Variants in SRR observed in about 807,000 individuals in gnomAD.
SRR encodes serine racemase, also known as D-serine ammonia-lyase.
Under a neutral mutation model 32.7 loss-of-function variants are expected in SRR, and 19 were observed. The ratio of observed to expected loss-of-function variants is 0.58; its 90% CI spans 0.40 to 0.85. The LOEUF (loss-of-function observed/expected upper bound fraction) is 0.85. Ranked by LOEUF, SRR falls within the 40% of genes least tolerant of loss-of-function variation. SRR has a pLI of 0.00. For synonymous variants in SRR, 142 were observed against 140.9 expected, an observed-to-expected ratio of 1.01 and a Z score of -0.06; for missense variants, 373 against 404.7, an observed-to-expected ratio of 0.92 and a Z score of 0.67.
At chr17:2,318,488 G>A (rs1311668067) in intron 3 of SRR, among the ~76,000 whole-genome samples, 5 of 135,098 alleles carry the variant, frequency 3.7e-5, no homozygotes, top group Admixed American at 7.6e-5. Context: ...TTTTTGAGAC[G>A]GAGTCTTGCA....
intron 2 of SRR, among the ~76,000 whole-genome samples, chr17:2,316,334 T>C (rs2075472467): frequency 6.6e-6 from 1 of 152,226 alleles, no homozygotes; most frequent in African/African-American, 2.4e-5. Context: ...GACTTTATTA[T>C]ATATACCATC....
At chr17:2,321,260 A>C in intron 4 of SRR, 46 bp from the exon 5 acceptor site, 1 of 1,600,148 alleles carries the variant, frequency 6.2e-7, no homozygotes, top group Non-Finnish European at 8.5e-7. Context: ...CTTGTTGGGG[A>C]CTCTATTAAA....
intron 6 of SRR, among the ~76,000 whole-genome samples, 164 bp downstream of exon 6, chr17:2,321,780 CTAT>C (rs907240461): frequency 3.0e-4 from 45 of 152,208 alleles, no homozygotes; most frequent in Non-Finnish European, 5.4e-4. Context: ...ACTCTATTTA[CTAT>C]TATTATTATT....
chr17:2,303,522 G>A (rs1302814290), upstream of SRR: 13 of 1,335,496 alleles, frequency 9.7e-6, no homozygotes, highest in African/African-American at 1.5e-5. Flanking sequence ...CTACTGCTGG[G>A]GGAAGGGGCG....
At chr17:2,313,680 G>A (rs1194980614) in intron 1 of SRR, among the ~76,000 whole-genome samples, 1 of 152,056 alleles carries the variant, frequency 6.6e-6, no homozygotes, top group Non-Finnish European at 1.5e-5. Flanking sequence ...AGGTTGCAGT[G>A]AGCCACAGTC....
At position 2,323,657 on chromosome 17, in the gene SRR, T is replaced by G; in HGVS notation, c.807T>G (p.Cys269Trp). ...IFTVTEDEIK[C>W]ATQLVWERMK... ...CCTACTCCCTTCCATATCAACAGTG[T>G]GCAACCCAGCTGGTGTGGGAGAGGA... The change falls in exon 8 of 8, where the codon TGT (cysteine) becomes TGG (tryptophan). Residue 269 changes from cysteine (C) to tryptophan (W), a missense_variant and splice_region_variant. Coordinates refer to ENST00000344595, the MANE Select transcript of SRR (RefSeq NM_021947.3). 6.2e-7 allele frequency: 1 copy of G among 1,614,052 alleles called. No individual in the cohort carries two copies. The highest frequency in any genetic ancestry group is 8.5e-7 in the Non-Finnish European group (1 of 1,179,940).
At chr17:2,305,232 G>A (rs777000007) in intron 1 of SRR, among the ~76,000 whole-genome samples, 17 of 152,308 alleles carry the variant, frequency 1.1e-4, no homozygotes, top group East Asian at 1.9e-4. Flanking sequence ...AGGAAGAAGC[G>A]TTAAAAAATA....
At chr17:2,316,968 CGCCTCT>C (rs1431027541) in intron 2 of SRR, among the ~76,000 whole-genome samples, 1 of 150,234 alleles carries the variant, frequency 6.7e-6, no homozygotes, top group Non-Finnish European at 1.5e-5. Flanking sequence ...GTGATCCGCC[CGCCTCT>C]GCCTCCCAAA....
chr17:2,324,475 A>T lies in SRR; in HGVS notation c.*602A>T. 3 of 1,614,112 alleles carry T rather than the reference A, an allele frequency of 1.9e-6. No individual in the cohort carries two copies. On this transcript the variant is annotated 3_prime_UTR_variant, in exon 8 of 8. Transcript: ENST00000344595. ...ATTTAGCAACACTGCAGAAATGCAG[A>T]CATGGTCTCAAATCCCGTGTTTCCT...
intron 2 of SRR, among the ~76,000 whole-genome samples, chr17:2,316,983 A>G (rs1202240808): frequency 3.4e-5 from 5 of 148,938 alleles, no homozygotes; most frequent in African/African-American, 1.2e-4. Flanking sequence ...CTGCCTCCCA[A>G]AGTGCTGGGA....
intron 7 of SRR, 115 bp from the exon 8 acceptor site, chr17:2,323,540 C>T (rs2075552425): frequency 2.5e-6 from 3 of 1,221,474 alleles, no homozygotes; most frequent in East Asian, 2.4e-5. Flanking sequence ...CTTTGGGAAG[C>T]GTGTGTACAC....
intron 1 of SRR, chr17:2,315,228 G>A (rs183873186): frequency 0.029 from 4,534 of 158,224 alleles, 124 homozygotes; most frequent in Non-Finnish European, 0.037. Context: ...GCTACAGAGC[G>A]AGACTCCGTC....
Position 2,323,235 on chromosome 17 carries a change from C to A in SRR, c.694C>A (p.Pro232Thr), listed in dbSNP as rs142355333. ...GGGGAAACTGATGCCCAATCTTTATCCTCCAGAAACCATAGCAGATGGTGT... is the reference window on the plus strand; with the variant it reads ...GGGGAAACTGATGCCCAATCTTTATACTCCAGAAACCATAGCAGATGGTGT... ...LKGKLMPNLY[P>T]PETIADGVKS... Residue 232 changes from proline (P) to threonine (T), a missense_variant, in exon 7 of 8, where the codon CCT becomes ACT. Pro to Thr is a conservative substitution (Grantham distance 38). Transcript: ENST00000344595. 6.2e-7 allele frequency: 1 copy of A among 1,614,224 alleles called. No homozygotes were observed.
At chr17:2,319,872 G>A (rs972921912) in intron 4 of SRR, among the ~76,000 whole-genome samples, 59 of 145,858 alleles carry the variant, frequency 4.0e-4, no homozygotes, top group Non-Finnish European at 7.6e-4. Context: ...AAGCTGGAGT[G>A]CAGTGGTGCC....
chr17:2,323,964 C>G lies in SRR; in HGVS notation c.*91C>G. 1 of 1,261,880 alleles carries G rather than the reference C, an allele frequency of 7.9e-7. No individual in the cohort carries two copies. The highest frequency in any genetic ancestry group is 1.1e-6 in the Non-Finnish European group (1 of 904,622). 78.2% of individuals were successfully genotyped at this position (1,261,880 alleles called of 1,614,324 possible). On this transcript the variant is annotated 3_prime_UTR_variant, in exon 8 of 8. Transcript: ENST00000344595. ...ATTGTCAACTCTTAGTTATCAGATT[C>G]TTAATGGAGAGTGGCTATTTCATTA...
chr17:2,303,446 C>A, upstream of SRR: 2 of 1,303,358 alleles, frequency 1.5e-6, no homozygotes, highest in Non-Finnish European at 9.7e-7. Flanking sequence ...CAGGACTGGC[C>A]GAGCCCGACC....
chr17:2,317,202 C>CG lies in SRR; in HGVS notation c.169-663dup, dbSNP rs541008061. Among the ~76,000 whole-genome samples, 7 of 82,474 alleles carry CG rather than the reference C, an allele frequency of 8.5e-5. No individual in the cohort carries two copies. The South Asian group carries it at 1.6e-3, about 19-fold the overall frequency. 54.1% of individuals were successfully genotyped at this position (82,474 alleles called of 152,430 possible). On this transcript the variant is annotated intron_variant, in intron 2 of 7. Coordinates refer to ENST00000344595, the MANE Select transcript of SRR (RefSeq NM_021947.3). ...TGGGTGATAGAGGAAGACTCCATCT[C>CG]GGGGGAAAAAAAAAAAAAAAAAAAA...
chr17:2,317,393 A>T (rs1358011643), intron 2 of SRR, among the ~76,000 whole-genome samples: 1 of 150,380 alleles, frequency 6.6e-6, no homozygotes, highest in Non-Finnish European at 1.5e-5. Context: ...GCGCCTGCAG[A>T]CCCGGCTACT....
intron 1 of SRR, among the ~76,000 whole-genome samples, chr17:2,308,102 A>G (rs769103087): frequency 5.9e-5 from 9 of 151,698 alleles, no homozygotes; most frequent in South Asian, 2.1e-4. Flanking sequence ...ATGGGTCAAA[A>G]AAGAAAACAA....
Sources: gnomAD v4.1 joint callset for allele counts (sites outside exome capture counted in the v4.1 genomes callset) on GRCh38, gnomAD v4.1.1 for gene constraint, MANE v1.5 for transcripts, NCBI Gene and HGNC (gene_info 2026-07-23, HGNC 2026-07-21) for gene names.